Variants in WDR7 observed in about 807,000 individuals in gnomAD.
The protein encoded by WDR7 is WD repeat domain 7.
In WDR7, 46 loss-of-function variants were observed where a neutral mutation model predicts 169.4. That is an observed-to-expected ratio of 0.27 (90% CI 0.21 to 0.35). WDR7 has a LOEUF of 0.35. WDR7 is among the 10% of genes least tolerant of loss of function. The pLI is 1.00. For missense variants in WDR7, 1,534 were observed against 1,859.3 expected, an observed-to-expected ratio of 0.83 and a Z score of 3.22; for synonymous variants, 612 against 666.8, an observed-to-expected ratio of 0.92 and a Z score of 1.27.
At chr18:56,862,848 T>C (rs1373510493) in intron 20 of WDR7, among the ~76,000 whole-genome samples, 1 of 151,890 alleles carries the variant, frequency 6.6e-6, no homozygotes, top group African/African-American at 2.4e-5. Flanking sequence ...TGCCTTCCAA[T>C]TGATTTCCAA....
intron 9 of WDR7, 116 bp from the exon 10 acceptor site, chr18:56,694,503 T>G: frequency 1.0e-6 from 1 of 1,002,242 alleles, no homozygotes; most frequent in Non-Finnish European, 1.4e-6. Context: ...CTATAAACAC[T>G]TTTTCAACTT....
At chr18:56,895,476 AT>A (rs1400742458) in intron 21 of WDR7, among the ~76,000 whole-genome samples, 68 of 76,062 alleles carry the variant, frequency 8.9e-4, no homozygotes, top group East Asian at 3.9e-3. Flanking sequence ...ATACACTTGG[AT>A]TTTTTTAAAA....
chr18:56,808,651 C>T (rs1050787262), intron 19 of WDR7, among the ~76,000 whole-genome samples: 3 of 152,094 alleles, frequency 2.0e-5, no homozygotes, highest in African/African-American at 7.2e-5. Context: ...AATCACATGA[C>T]ACTGTAGTCT....
chr18:56,927,424 C>T (rs2046823233), intron 22 of WDR7, among the ~76,000 whole-genome samples: 1 of 152,040 alleles, frequency 6.6e-6, no homozygotes, highest in East Asian at 1.9e-4. Context: ...CTGAGCAAAA[C>T]AGGAAGACCC....
At chr18:56,914,342 ACATT>A (rs1488771462) in intron 21 of WDR7, among the ~76,000 whole-genome samples, 1 of 152,150 alleles carries the variant, frequency 6.6e-6, no homozygotes, top group Non-Finnish European at 1.5e-5. Context: ...GCCACTTGAT[ACATT>A]TGTTTATTTG....
intron 19 of WDR7, among the ~76,000 whole-genome samples, chr18:56,793,752 GGA>G (rs2044533633): frequency 6.6e-6 from 1 of 152,134 alleles, no homozygotes; most frequent in Non-Finnish European, 1.5e-5. Context: ...CACATGAATA[GGA>G]TAACAGAGAC....
intron 21 of WDR7, among the ~76,000 whole-genome samples, chr18:56,914,547 C>T (rs971892886): frequency 5.9e-5 from 9 of 152,300 alleles, no homozygotes; most frequent in African/African-American, 1.7e-4. Flanking sequence ...TTCCTCCCTC[C>T]TTCCATCTCT....
chr18:56,863,876 T>C (rs573320824), intron 20 of WDR7, among the ~76,000 whole-genome samples: 3 of 151,928 alleles, frequency 2.0e-5, no homozygotes, highest in African/African-American at 4.8e-5. Context: ...TGAAAGTGAA[T>C]GGCCATTTTA....
chr18:56,831,324 G>C (rs1214779810), intron 20 of WDR7, among the ~76,000 whole-genome samples: 1 of 152,058 alleles, frequency 6.6e-6, no homozygotes, highest in Non-Finnish European at 1.5e-5. Flanking sequence ...ATGATGAAAG[G>C]CTCTGTTTGT....
chr18:56,788,905 T>C (rs1260410544), intron 19 of WDR7, among the ~76,000 whole-genome samples: 1 of 152,208 alleles, frequency 6.6e-6, no homozygotes, highest in Non-Finnish European at 1.5e-5. Flanking sequence ...TGTGTGATAC[T>C]TTATATTGTG....
At chr18:56,927,295 A>G (rs1034121506) in intron 22 of WDR7, among the ~76,000 whole-genome samples, 10 of 151,968 alleles carry the variant, frequency 6.6e-5, no homozygotes, top group Non-Finnish European at 1.2e-4. Flanking sequence ...AAAACACTGT[A>G]TATGCCTCGA....
At chr18:56,887,478 A>C (rs2046212676) in intron 21 of WDR7, among the ~76,000 whole-genome samples, 1 of 152,206 alleles carries the variant, frequency 6.6e-6, no homozygotes, top group Non-Finnish European at 1.5e-5. Flanking sequence ...GATTTTGGGA[A>C]GTTTCTAGCA....
chr18:56,847,395 T>G lies in WDR7; in HGVS notation c.3304+31251T>G, dbSNP rs1390938587. ...AAATAAGTGACTTAAAGTTGGAACT[T>G]ATTTAAAAGGAAATCAGAGTATAAA... On this transcript the variant is annotated intron_variant, in intron 20 of 27. Transcript: ENST00000254442. Among the ~76,000 whole-genome samples the G allele has an allele frequency of 3.3e-5, 5 of 152,218 alleles. No individual in the cohort carries two copies. In the East Asian group the frequency reaches 9.6e-4, roughly 29 times the overall value.
chr18:56,783,878 G>C (rs1399385426), intron 19 of WDR7, among the ~76,000 whole-genome samples: 2 of 152,148 alleles, frequency 1.3e-5, no homozygotes, highest in African/African-American at 4.8e-5. Context: ...TTAGCTACAA[G>C]GTAAAGGCAA....
chr18:56,882,492 CTCTT>C (rs2046122494), intron 21 of WDR7, among the ~76,000 whole-genome samples: 1 of 152,182 alleles, frequency 6.6e-6, no homozygotes, highest in African/African-American at 2.4e-5. Context: ...AAACTTATGG[CTCTT>C]TCTAATATAT....
intron 7 of WDR7, among the ~76,000 whole-genome samples, chr18:56,687,982 A>T (rs1260380212): frequency 6.6e-6 from 1 of 152,146 alleles, no homozygotes; most frequent in African/African-American, 2.4e-5. Context: ...AGGGGAGAGG[A>T]TTACACATGG....
intron 19 of WDR7, among the ~76,000 whole-genome samples, chr18:56,785,913 G>A (rs370941870): frequency 2.7e-5 from 4 of 149,376 alleles, no homozygotes; most frequent in African/African-American, 5.0e-5. Context: ...GGATCTTCCC[G>A]CCTCAGCCTC....
chr18:56,934,912 A>G (rs753698495), intron 22 of WDR7, among the ~76,000 whole-genome samples: 50 of 152,232 alleles, frequency 3.3e-4, no homozygotes, highest in Admixed American at 9.8e-4. Context: ...CTCCTTGTAT[A>G]CAGTTAATGG....
intron 26 of WDR7, among the ~76,000 whole-genome samples, chr18:56,964,300 TAAC>T (rs1245674245): frequency 6.6e-6 from 1 of 152,150 alleles, no homozygotes; most frequent in Non-Finnish European, 1.5e-5. Flanking sequence ...CATTCTTTCT[TAAC>T]AAGAATATGT....
Sources: allele counts gnomAD v4.1 joint callset (sites outside exome capture counted in the v4.1 genomes callset), GRCh38; gene constraint gnomAD v4.1.1; transcripts MANE v1.5; gene names NCBI Gene and HGNC (gene_info 2026-07-23, HGNC 2026-07-21).